The following CCNY variants were observed in gnomAD, a reference collection of about 807,000 sequenced individuals.
CCNY encodes the protein cyclin Y.
In CCNY, 19 loss-of-function variants were observed where a neutral mutation model predicts 42.8. The ratio of observed to expected loss-of-function variants is 0.44; its 90% confidence interval spans 0.31 to 0.65. The LOEUF (loss-of-function observed/expected upper bound fraction) is 0.65. Ranked by LOEUF, CCNY falls within the 30% of genes least tolerant of loss-of-function variation. The pLI, the probability that CCNY is intolerant of heterozygous loss-of-function variation, is 0.07. For missense variants in CCNY, 370 were observed against 437.3 expected, an observed-to-expected ratio of 0.85 and a Z score of 1.37; for synonymous variants, 165 against 162.7, an observed-to-expected ratio of 1.01 and a Z score of -0.11.
chr10:35,311,340 AT>A, intron 3 of CCNY, among the ~76,000 whole-genome samples: 1 of 151,892 alleles, frequency 6.6e-6, no homozygotes, highest in Admixed American at 6.6e-5. Context: ...CAACAAAAAA[AT>A]ACAGGATATA....
At chr10:35,293,547 C>A (rs767172395) in intron 3 of CCNY, among the ~76,000 whole-genome samples, 6 of 152,156 alleles carry the variant, frequency 3.9e-5, no homozygotes, top group Non-Finnish European at 4.4e-5. Context: ...TGTAGGTCAA[C>A]TTGGGGGTAC....
At chr10:35,352,465 A>G (rs911352279) in intron 1 of CCNY, among the ~76,000 whole-genome samples, 1 of 152,226 alleles carries the variant, frequency 6.6e-6, no homozygotes, top group African/African-American at 2.4e-5. Context: ...AGCCACAGCC[A>G]TTGTAGGTGG....
intron 1 of CCNY, among the ~76,000 whole-genome samples, chr10:35,400,532 TTC>T (rs1452771005): frequency 6.6e-6 from 1 of 152,222 alleles, no homozygotes; most frequent in Admixed American, 6.5e-5. Context: ...GAAAGCATAT[TTC>T]TGTTTTAAAA....
At chr10:35,269,690 A>G (rs565898304) in intron 3 of CCNY, among the ~76,000 whole-genome samples, 6 of 145,696 alleles carry the variant, frequency 4.1e-5, no homozygotes, top group South Asian at 2.1e-4. Context: ...GTGCAGTGGC[A>G]TGATCTCAGC....
chr10:35,363,702 C>T (rs555327891), intron 1 of CCNY, among the ~76,000 whole-genome samples: 2 of 152,188 alleles, frequency 1.3e-5, no homozygotes, highest in Non-Finnish European at 2.9e-5. Flanking sequence ...GAGACTGACA[C>T]TGTCAGTCAG....
intron 3 of CCNY, among the ~76,000 whole-genome samples, chr10:35,303,879 A>G (rs1247062726): frequency 2.0e-5 from 3 of 152,090 alleles, no homozygotes; most frequent in African/African-American, 4.8e-5. Flanking sequence ...AAAAAAACCT[A>G]GTCTTTCAAA....
At chr10:35,514,778 A>C (rs1840394971) in intron 3 of CCNY, among the ~76,000 whole-genome samples, 1 of 152,256 alleles carries the variant, frequency 6.6e-6, no homozygotes, top group African/African-American at 2.4e-5. Flanking sequence ...AAGTTATCCC[A>C]TATCTCTAAA....
chr10:35,461,831 G>T (rs1364605824), intron 1 of CCNY, among the ~76,000 whole-genome samples: 5 of 152,102 alleles, frequency 3.3e-5, no homozygotes, highest in Non-Finnish European at 7.4e-5. Flanking sequence ...TTGTTATTGA[G>T]GTATCTCAGT....
intron 7 of CCNY, among the ~76,000 whole-genome samples, chr10:35,536,813 T>C (rs1840895755): frequency 6.6e-6 from 1 of 152,184 alleles, no homozygotes; most frequent in Admixed American, 6.5e-5. Context: ...CGTTCAGTTT[T>C]ATAAAGGAAG....
intron 7 of CCNY, among the ~76,000 whole-genome samples, chr10:35,545,734 T>G (rs1031586702): frequency 9.2e-5 from 14 of 152,088 alleles, no homozygotes; most frequent in Non-Finnish European, 1.3e-4. Flanking sequence ...TTAAGATCTC[T>G]CCAGGGATAC....
chr10:35,286,654 C>G (rs1266267447), intron 3 of CCNY, among the ~76,000 whole-genome samples: 1 of 138,688 alleles, frequency 7.2e-6, no homozygotes, highest in Non-Finnish European at 1.5e-5. Flanking sequence ...CCGTGCCCAG[C>G]CTTTTTTTTT....
intron 1 of CCNY, among the ~76,000 whole-genome samples, chr10:35,459,407 G>GT (rs1407785128): frequency 1.3e-5 from 2 of 152,152 alleles, no homozygotes; most frequent in Non-Finnish European, 2.9e-5. Context: ...TTTGTGTTTT[G>GT]TTTTTTGCTC....
chr10:35,511,628 G>A (rs1013393893), intron 3 of CCNY, among the ~76,000 whole-genome samples: 2 of 152,216 alleles, frequency 1.3e-5, no homozygotes, highest in Non-Finnish European at 1.5e-5. Flanking sequence ...TGTTGGAAAT[G>A]CTACTTCATT....
At chr10:35,296,764 G>T (rs1485912674) in intron 3 of CCNY, among the ~76,000 whole-genome samples, 3 of 152,094 alleles carry the variant, frequency 2.0e-5, no homozygotes, top group East Asian at 3.8e-4. Flanking sequence ...GGAAGAAATT[G>T]CATCCCTGAA....
At chr10:35,263,356 C>CAA (rs71523372) in intron 3 of CCNY, among the ~76,000 whole-genome samples, 38 of 44,244 alleles carry the variant, frequency 8.6e-4, no homozygotes, top group Admixed American at 1.4e-3. Context: ...GACTCCGTCT[C>CAA]AAAAAAAAAA....
chr10:35,252,496 G>A (rs2095712639), intron 3 of CCNY, among the ~76,000 whole-genome samples: 1 of 149,230 alleles, frequency 6.7e-6, no homozygotes, highest in African/African-American at 2.5e-5. Flanking sequence ...AACCTGGGAA[G>A]CGGAGCTTGC....
At chr10:35,366,755 CT>C (rs1418959736) in intron 1 of CCNY, among the ~76,000 whole-genome samples, 3 of 152,200 alleles carry the variant, frequency 2.0e-5, no homozygotes, top group Admixed American at 1.3e-4. Context: ...TATATCTGCA[CT>C]GTCCAATGTG....
At chr10:35,517,915 C>A (rs779686394) in intron 4 of CCNY, among the ~76,000 whole-genome samples, 2 of 152,268 alleles carry the variant, frequency 1.3e-5, no homozygotes, top group East Asian at 3.9e-4. Flanking sequence ...TTAGGACTCG[C>A]GGAGAGAAGT....
intron 7 of CCNY, among the ~76,000 whole-genome samples, chr10:35,548,592 A>G (rs1344821399): frequency 6.6e-6 from 1 of 152,068 alleles, no homozygotes; most frequent in Non-Finnish European, 1.5e-5. Flanking sequence ...CACCGCACCC[A>G]GCCAAGAAAA....
Sources: gnomAD v4.1 joint callset for allele counts (sites outside exome capture counted in the v4.1 genomes callset) on GRCh38, gnomAD v4.1.1 for gene constraint, MANE v1.5 for transcripts, NCBI Gene and HGNC (gene_info 2026-07-23, HGNC 2026-07-21) for gene names.